Variants in OSBPL6 observed in about 807,000 individuals in gnomAD.
OSBPL6 encodes the protein oxysterol-binding protein-related protein 6.
In OSBPL6, 49 loss-of-function variants were observed where a neutral mutation model predicts 125.8. That is an observed-to-expected ratio of 0.39 (90% CI 0.31 to 0.49). The LOEUF is 0.49. Ranked by LOEUF, OSBPL6 falls within the 20% of genes least tolerant of loss-of-function variation. The pLI is 0.88. For missense variants in OSBPL6, 986 were observed against 1,135.4 expected (o/e 0.87, Z 1.89); for synonymous variants, 394 against 391.8 (o/e 1.01, Z -0.07).
chr2:178,260,319 A>G (rs1489742964), intron 1 of OSBPL6, among the ~76,000 whole-genome samples: 1 of 152,086 alleles, frequency 6.6e-6, no homozygotes. Context: ...TAATTATCCC[A>G]TTTTTGGCTA....
chr2:178,253,488 G>A (rs562309832), intron 1 of OSBPL6, among the ~76,000 whole-genome samples: 1 of 152,174 alleles, frequency 6.6e-6, no homozygotes, highest in Non-Finnish European at 1.5e-5. Flanking sequence ...TTTGGTATGG[G>A]TAATGCCTTG....
chr2:178,361,629 G>C (rs1311168655), intron 12 of OSBPL6, 53 bp from the exon 13 acceptor site: 1 of 1,595,676 alleles, frequency 6.3e-7, no homozygotes, highest in African/African-American at 1.3e-5. Context: ...ATAATGTTGT[G>C]TATTCTTTCT....
intron 2 of OSBPL6, among the ~76,000 whole-genome samples, chr2:178,301,696 T>C (rs928637931): frequency 1.3e-5 from 2 of 152,166 alleles, no homozygotes; most frequent in Non-Finnish European, 2.9e-5. Flanking sequence ...ACCTAGGCCA[T>C]GTGACTCGTT....
At position 178,306,087 on chromosome 2, in the gene OSBPL6, AT is replaced by A; in HGVS notation, c.-97del. 1.3e-6 allele frequency: 1 copy of A among 781,914 alleles called. No individual in the cohort carries two copies. Among genetic ancestry groups the A allele is most frequent in the Non-Finnish European group, 2.2e-6 (1 of 458,164 alleles). 48.4% of individuals were successfully genotyped at this position (781,914 alleles called of 1,614,324 possible). Reference sequence around the variant, plus strand: ...TTTCTAGTCAAACCTGATTCATGAAATGGAATGAAGCTGAAAAATCATCTAC... The same window carrying A: ...TTTCTAGTCAAACCTGATTCATGAAAGGAATGAAGCTGAAAAATCATCTAC... On this transcript the variant is annotated 5_prime_UTR_variant, in exon 3 of 25. An upstream start codon of the reference 5' UTR is lost. Coordinates refer to ENST00000190611, the MANE Select transcript of OSBPL6 (RefSeq NM_032523.4).
In OSBPL6 at chr2:178,342,087, G is replaced by A. The variant is rs141259058; in HGVS notation, c.987+2323G>A. 8.9e-3 allele frequency among the ~76,000 whole-genome samples: 1,354 copies of A among 152,196 alleles called. 10 individuals carry two copies. Among genetic ancestry groups the A allele is most frequent in the Non-Finnish European group, 0.016 (1,105 of 67,998 alleles). On this transcript the variant is annotated intron_variant, in intron 11 of 24. Coordinates refer to ENST00000190611, the MANE Select transcript of OSBPL6 (RefSeq NM_032523.4). Reference sequence around the variant, plus strand: ...CTCCTGTTTTAAATGTTTTGATCATGAGAATTCTATCTAATGAGTCCAAGT... The same window carrying A: ...CTCCTGTTTTAAATGTTTTGATCATAAGAATTCTATCTAATGAGTCCAAGT...
At chr2:178,341,687 A>G (rs2154083141) in intron 11 of OSBPL6, among the ~76,000 whole-genome samples, 1 of 152,282 alleles carries the variant, frequency 6.6e-6, no homozygotes, top group South Asian at 2.1e-4. Context: ...TTTAGTTCCA[A>G]TTCCAAGAAG....
At chr2:178,247,011 T>TAC (rs2091516250) in intron 1 of OSBPL6, among the ~76,000 whole-genome samples, 1 of 73,782 alleles carries the variant, frequency 1.4e-5, no homozygotes, top group Non-Finnish European at 2.6e-5. Flanking sequence ...AACCTGCCCC[T>TAC]CCCCACCCCC....
At chr2:178,197,544 A>G (rs1202701467) in intron 1 of OSBPL6, among the ~76,000 whole-genome samples, 1 of 152,194 alleles carries the variant, frequency 6.6e-6, no homozygotes, top group Non-Finnish European at 1.5e-5. Flanking sequence ...CCCTATGTAT[A>G]TGCTTCTTTT....
At chr2:178,215,077 T>C (rs1254203682) in intron 1 of OSBPL6, among the ~76,000 whole-genome samples, 2 of 151,112 alleles carry the variant, frequency 1.3e-5, no homozygotes, top group African/African-American at 4.9e-5. Flanking sequence ...AAAGTACTGG[T>C]TTAAAAGCAA....
At chr2:178,351,323 A>G (rs1271289555) in intron 12 of OSBPL6, among the ~76,000 whole-genome samples, 1 of 152,224 alleles carries the variant, frequency 6.6e-6, no homozygotes, top group Admixed American at 6.5e-5. Flanking sequence ...TGCAAATGAC[A>G]TGATCCTATG....
At chr2:178,379,269 GAGAA>G (rs200186448) in intron 15 of OSBPL6, among the ~76,000 whole-genome samples, 2,715 of 137,002 alleles carry the variant, frequency 0.02, 35 homozygotes, top group Middle Eastern at 0.081. Flanking sequence ...AACAAAGAAA[GAGAA>G]AGAAAGAAAG....
At chr2:178,357,203 A>G (rs1306930260) in intron 12 of OSBPL6, among the ~76,000 whole-genome samples, 1 of 152,260 alleles carries the variant, frequency 6.6e-6, no homozygotes, top group East Asian at 1.9e-4. Flanking sequence ...CTAAAACACT[A>G]AAAGCAATGG....
chr2:178,326,260 A>C (rs982486799), intron 4 of OSBPL6, among the ~76,000 whole-genome samples: 1 of 152,026 alleles, frequency 6.6e-6, no homozygotes, highest in Non-Finnish European at 1.5e-5. Context: ...CATACAGTTT[A>C]CCCTTCAGAA....
rs779160281 is a variant in OSBPL6, at chr2:178,332,932, G to A, written c.548G>A (p.Arg183His). The A allele has an allele frequency of 1.5e-5, 24 of 1,613,978 alleles. No homozygotes were observed. The highest frequency in any genetic ancestry group is 5.3e-5 in the African/African-American group (4 of 74,900). ...AAACTGCGACATCATCGGTTGTATC[G>A]TCAGAATGAAATTGTGAGATCACCA... is the stretch of plus-strand genomic sequence containing the variant. ...VSKLRHHRLY[R>H]QNEIVRSPRD... Residue 183 changes from arginine (R) to histidine (H), a missense_variant, in exon 8 of 25, where the codon CGT becomes CAT. By Grantham distance (29) the Arg-to-His change is conservative (BLOSUM62 0). Coordinates refer to ENST00000190611, the MANE Select transcript of OSBPL6 (RefSeq NM_032523.4).
intron 15 of OSBPL6, among the ~76,000 whole-genome samples, chr2:178,378,667 A>G (rs1694116751): frequency 6.6e-6 from 1 of 152,218 alleles, no homozygotes; most frequent in East Asian, 1.9e-4. Flanking sequence ...GGGGCAGAGG[A>G]CAAACTGTTT....
At chr2:178,312,573 A>T (rs1687386962) in intron 3 of OSBPL6, among the ~76,000 whole-genome samples, 2 of 151,818 alleles carry the variant, frequency 1.3e-5, no homozygotes, top group Admixed American at 1.3e-4. Context: ...CTGACACCTC[A>T]GCCTCCCGAG....
chr2:178,234,529 C>CA, intron 1 of OSBPL6, among the ~76,000 whole-genome samples: 2 of 152,266 alleles, frequency 1.3e-5, no homozygotes, highest in Non-Finnish European at 2.9e-5. Flanking sequence ...CTGTTTCCCC[C>CA]AAAGGTAACA....
At chr2:178,205,938 A>G (rs1241304207) in intron 1 of OSBPL6, among the ~76,000 whole-genome samples, 1 of 152,204 alleles carries the variant, frequency 6.6e-6, no homozygotes, top group Non-Finnish European at 1.5e-5. Flanking sequence ...GGTGGGCAAA[A>G]AAGTATTAAT....
chr2:178,356,786 T>C (rs1157126708), intron 12 of OSBPL6, among the ~76,000 whole-genome samples: 2 of 152,160 alleles, frequency 1.3e-5, no homozygotes, highest in African/African-American at 4.8e-5. Flanking sequence ...GCCAAGACAA[T>C]CTTAAGCAAA....
Sources: gnomAD v4.1 joint callset for allele counts (sites outside exome capture counted in the v4.1 genomes callset) on GRCh38, gnomAD v4.1.1 for gene constraint, MANE v1.5 for transcripts, NCBI Gene and HGNC (gene_info 2026-07-23, HGNC 2026-07-21) for gene names.